Variants in SPOP observed in about 807,000 individuals in gnomAD.
SPOP encodes the protein speckle type BTB/POZ protein.
SPOP carries 11 observed loss-of-function variants against 45.6 expected under a neutral mutation model. The observed-to-expected ratio is 0.24, with a 90% confidence interval of 0.15 to 0.40. The LOEUF (loss-of-function observed/expected upper bound fraction) is 0.40, where lower values mean the gene tolerates loss of function less well. Ranked by LOEUF, SPOP falls within the 10% of genes least tolerant of loss-of-function variation. The pLI is 1.00. For synonymous variants in SPOP, 166 were observed against 166.3 expected (o/e 1.00, Z 0.01); for missense variants, 152 against 465.6 (o/e 0.33, Z 6.20).
chr17:49,654,901 A>T (rs2072887535), intron 1 of SPOP, among the ~76,000 whole-genome samples: 1 of 152,182 alleles, frequency 6.6e-6, no homozygotes, highest in African/African-American at 2.4e-5. Flanking sequence ...CAATGAAGAA[A>T]CTGAGTTTAC....
intron 1 of SPOP, among the ~76,000 whole-genome samples, chr17:49,640,004 C>A (rs1567790043): frequency 6.6e-6 from 1 of 152,114 alleles, no homozygotes; most frequent in Admixed American, 6.6e-5. Flanking sequence ...AATTCGAACA[C>A]TTTGGGAGGC....
chr17:49,675,741 C>G (rs375138376), intron 1 of SPOP, among the ~76,000 whole-genome samples: 5 of 152,130 alleles, frequency 3.3e-5, no homozygotes, highest in African/African-American at 7.2e-5. Context: ...AAAATCAGGC[C>G]GGGCACAGTG....
chr17:49,599,646 G>C lies in SPOP; in HGVS notation c.*732C>G, dbSNP rs2071704251. On this transcript the variant is annotated 3_prime_UTR_variant, in exon 10 of 10. Coordinates refer to ENST00000504102, the MANE Select transcript of SPOP (RefSeq NM_001007228.2). ...TCAAGACAATATGAATTCTGGATGAGTTATTTTTTCCAGTTTTCAACACCA... is the reference window on the plus strand; with the variant it reads ...TCAAGACAATATGAATTCTGGATGACTTATTTTTTCCAGTTTTCAACACCA... 6 of 211,764 alleles carry C rather than the reference G, an allele frequency of 2.8e-5. No homozygotes were observed. In the East Asian group the frequency reaches 4.3e-4, roughly 15 times the overall value. The allele number at this position is 211,764 out of a possible 1,614,324, so 13.1% of individuals were successfully genotyped here. A position where few individuals can be genotyped will look rare whatever the true frequency, so the allele number is the denominator to read the frequency against.
At chr17:49,611,526 CT>C in intron 5 of SPOP, 69 bp from the exon 6 acceptor site, 1 of 911,324 alleles carries the variant, frequency 1.1e-6, no homozygotes, top group Non-Finnish European at 1.6e-6. Context: ...AGATAGACGA[CT>C]TTTACCTAAC....
At chr17:49,658,676 C>CCA (rs2072947507) in intron 1 of SPOP, among the ~76,000 whole-genome samples, 1 of 152,178 alleles carries the variant, frequency 6.6e-6, no homozygotes, top group African/African-American at 2.4e-5. Context: ...TGAGTCAAGT[C>CCA]ATATTTCAAA....
intron 9 of SPOP, 194 bp downstream of exon 9, chr17:49,601,670 AC>A (rs1396751491): frequency 1.6e-6 from 1 of 628,850 alleles, no homozygotes; most frequent in Non-Finnish European, 2.6e-6. Context: ...GAAGTAAAAC[AC>A]TTTACTCACC....
chr17:49,636,129 T>C (rs1267238352), intron 1 of SPOP: 1 of 152,120 alleles, frequency 6.6e-6, no homozygotes, highest in Non-Finnish European at 1.5e-5. Context: ...TCTTGAGTAG[T>C]TGGAACTGCA....
At position 49,609,155 on chromosome 17, in the gene SPOP, C is replaced by A. The variant is rs186222344; in HGVS notation, c.659-1226G>T. Among the ~76,000 whole-genome samples, 397 of 152,296 alleles carry A rather than the reference C, an allele frequency of 2.6e-3. 2 individuals carry two copies. The highest frequency in any genetic ancestry group is 8.8e-3 in the African/African-American group (365 of 41,566). ...AACTCCTGACCTCAAGTCATCTGCA[C>A]ACCTATGCCTCCCAAAGTGCTGGGA... On this transcript the variant is annotated intron_variant, in intron 6 of 9. Coordinates refer to ENST00000504102, the MANE Select transcript of SPOP (RefSeq NM_001007228.2).
At chr17:49,607,069 T>G in intron 8 of SPOP, 181 bp downstream of exon 8, 1 of 655,702 alleles carries the variant, frequency 1.5e-6, no homozygotes, top group East Asian at 3.0e-5. Flanking sequence ...ACAGGACACT[T>G]TTGAGAATAA....
intron 1 of SPOP, among the ~76,000 whole-genome samples, chr17:49,664,962 T>C (rs1464338689): frequency 6.6e-6 from 1 of 152,210 alleles, no homozygotes; most frequent in Non-Finnish European, 1.5e-5. Flanking sequence ...CCCTGGCTTA[T>C]GTTTTTTTCA....
In SPOP at chr17:49,607,919, C is replaced by T. The variant is rs759885928; in HGVS notation, c.669G>A (p.Pro223=). The change falls in exon 7 of 10, where the codon CCG becomes CCA. Residue 223 remains proline, a synonymous_variant. Coordinates refer to ENST00000504102, the MANE Select transcript of SPOP (RefSeq NM_001007228.2). Reference sequence around the variant, plus strand: ...CATGTTCAAACATGGCACTAAAAACCGGAGAACGAGCTACAAAGTCAAAGA... The same window carrying T: ...CATGTTCAAACATGGCACTAAAAACTGGAGAACGAGCTACAAAGTCAAAGA... The part of the protein sequence containing the change: ...AHKAILAARS[P]VFSAMFEHEM... 1.3e-5 allele frequency: 21 copies of T among 1,611,626 alleles called. No homozygotes were observed. Among genetic ancestry groups the T allele is most frequent in the Middle Eastern group, 1.6e-4 (1 of 6,070 alleles).
At chr17:49,620,682 A>C (rs2072205157) in intron 3 of SPOP, 2 of 154,258 alleles carry the variant, frequency 1.3e-5, no homozygotes, top group South Asian at 4.1e-4. Context: ...TGTTACGGAG[A>C]GATCAAAACA....
chr17:49,647,471 T>C (rs1456283172), intron 1 of SPOP, among the ~76,000 whole-genome samples: 1 of 152,034 alleles, frequency 6.6e-6, no homozygotes, highest in Non-Finnish European at 1.5e-5. Context: ...ATTTTTATTT[T>C]TTTTAAATTT....
intron 1 of SPOP, among the ~76,000 whole-genome samples, chr17:49,672,643 T>G (rs1014619444): frequency 9.2e-5 from 14 of 152,134 alleles, no homozygotes; most frequent in African/African-American, 3.4e-4. Context: ...CAGCTCGGGC[T>G]CTTTAAAAAC....
chr17:49,622,953 G>A (rs3815474), intron 1 of SPOP, 77 bp from the exon 2 acceptor site: 122,040 of 667,894 alleles, frequency 0.18, 11,869 homozygotes, highest in East Asian at 0.3. Context: ...ACCTGATAGA[G>A]GCTGGAAATT....
intron 1 of SPOP, among the ~76,000 whole-genome samples, chr17:49,633,854 C>T (rs2072495456): frequency 6.6e-6 from 1 of 151,986 alleles, no homozygotes; most frequent in South Asian, 2.1e-4. Flanking sequence ...ATAACAACAT[C>T]AGAGGAAAAA....
intron 6 of SPOP, among the ~76,000 whole-genome samples, chr17:49,609,384 G>A (rs1597909254): frequency 6.6e-6 from 1 of 152,214 alleles, no homozygotes; most frequent in Non-Finnish European, 1.5e-5. Flanking sequence ...AAGGCCCGGT[G>A]CTTTTCATAA....
At chr17:49,621,269 T>A (rs1000856146) in intron 3 of SPOP, among the ~76,000 whole-genome samples, 4 of 152,220 alleles carry the variant, frequency 2.6e-5, no homozygotes, top group Non-Finnish European at 4.4e-5. Context: ...TTTGCTAGCA[T>A]GTAGTAGATT....
intron 6 of SPOP, among the ~76,000 whole-genome samples, chr17:49,609,305 T>C (rs73987360): frequency 1.3e-5 from 2 of 152,364 alleles, no homozygotes; most frequent in African/African-American, 4.8e-5. Flanking sequence ...TCAATTCTCA[T>C]TGTTCTTATT....
Sources: allele counts gnomAD v4.1 joint callset (sites outside exome capture counted in the v4.1 genomes callset), GRCh38; gene constraint gnomAD v4.1.1; transcripts MANE v1.5; gene names NCBI Gene and HGNC (gene_info 2026-07-23, HGNC 2026-07-21).